The following MCF2L variants were observed in gnomAD, a reference collection of about 807,000 sequenced individuals.
MCF2L encodes the protein MCF.2 cell line derived transforming sequence like.
A neutral mutation model predicts 153.4 loss-of-function variants in MCF2L; 97 were observed. The ratio of observed to expected loss-of-function variants is 0.63; its 90% CI spans 0.54 to 0.75. The LOEUF (loss-of-function observed/expected upper bound fraction) is 0.75. MCF2L is among the 30% of genes least tolerant of loss of function. MCF2L has a pLI of 0.00. For missense variants in MCF2L, 1,347 were observed against 1,495.2 expected (o/e 0.90, Z 1.64); for synonymous variants, 659 against 632.2 (o/e 1.04, Z -0.64).
At chr13:113,093,950 C>A (rs1032246055) in intron 26 of MCF2L, 1 of 152,338 alleles carries the variant, frequency 6.6e-6, no homozygotes, top group Non-Finnish European at 1.5e-5. Flanking sequence ...CCGATGGGAG[C>A]CCATCTCCAC....
intron 1 of MCF2L, chr13:112,985,170 G>A: frequency 3.1e-6 from 1 of 321,760 alleles, no homozygotes; most frequent in Non-Finnish European, 6.2e-6. Context: ...GGACCTGCAT[G>A]TAAACATCAG....
intron 2 of MCF2L, among the ~76,000 whole-genome samples, chr13:112,908,732 G>GTTTGTTT (rs10627226): frequency 2.0e-5 from 3 of 148,592 alleles, no homozygotes; most frequent in Non-Finnish European, 3.0e-5. Flanking sequence ...TTTTGTTTTG[G>GTTTGTTT]TTTTTTTTTG....
chr13:112,929,713 G>C (rs529318663), intron 2 of MCF2L, among the ~76,000 whole-genome samples: 6 of 152,188 alleles, frequency 3.9e-5, no homozygotes, highest in African/African-American at 1.4e-4. Context: ...CTCCGGCCTC[G>C]GGTTCCTCTT....
Position 113,053,075 on chromosome 13 carries a change from A to G in MCF2L, c.370-7518A>G, listed in dbSNP as rs56065139. ...TTTGCTGGTGAGAGCCGGCTCTGCC[A>G]TCGTGTCAGTTCATCCCGGATTGCT... On this transcript the variant is annotated intron_variant, in intron 4 of 29. Transcript: ENST00000535094. This position sits in a 1 kb window ranked among gnomAD's most constrained non-coding sequence, Gnocchi z 4.4. Among the ~76,000 whole-genome samples, 277 of 152,280 alleles carry G rather than the reference A, an allele frequency of 1.8e-3. 1 individual carries two copies. The highest frequency in any genetic ancestry group is 3.4e-3 in the Non-Finnish European group (231 of 68,032).
chr13:113,039,768 G>T (rs1472918139), intron 3 of MCF2L, among the ~76,000 whole-genome samples: 1 of 152,210 alleles, frequency 6.6e-6, no homozygotes, highest in Non-Finnish European at 1.5e-5. Context: ...CACAAGAGTG[G>T]CTAAAATTCT....
At chr13:112,917,134 C>G (rs1429563852) in intron 2 of MCF2L, 1 of 471,288 alleles carries the variant, frequency 2.1e-6, no homozygotes, top group Non-Finnish European at 4.4e-6. Context: ...ATCTCAGTCC[C>G]CTGGCTTGTG....
At chr13:113,071,163 C>T (rs991955572) in intron 9 of MCF2L, among the ~76,000 whole-genome samples, 7 of 152,132 alleles carry the variant, frequency 4.6e-5, no homozygotes, top group African/African-American at 1.7e-4. Flanking sequence ...CACCTTTCCA[C>T]GTGCTTATTT....
Position 113,064,051 on chromosome 13 carries a change from G to A in MCF2L, c.490-253G>A, listed in dbSNP as rs571562258. Among the ~76,000 whole-genome samples, 14 of 152,232 alleles carry A rather than the reference G, an allele frequency of 9.2e-5. No individual in the cohort carries two copies. Among genetic ancestry groups the A allele is most frequent in the African/African-American group, 3.4e-4 (14 of 41,522 alleles). ...CTGCCAAATAGCAGGGAAGGAGGGC[G>A]CACGGAGTTATCTCCATCATAAGGG... On this transcript the variant is annotated intron_variant, in intron 5 of 29. Coordinates refer to ENST00000535094, the MANE Select transcript of MCF2L (RefSeq NM_001112732.3). The surrounding 1 kb of genome is among the most constrained non-coding windows in gnomAD (Gnocchi z 6.0).
At chr13:113,096,011 C>G (rs1385030405) in intron 27 of MCF2L, 1 of 379,872 alleles carries the variant, frequency 2.6e-6, no homozygotes, top group Non-Finnish European at 4.7e-6. Context: ...TCGGGGAGTA[C>G]CAAGGAAGGC....
chr13:112,922,079 A>G (rs2140571057), intron 2 of MCF2L, among the ~76,000 whole-genome samples: 1 of 152,364 alleles, frequency 6.6e-6, no homozygotes, highest in East Asian at 1.9e-4. Context: ...GGAAAAGTCC[A>G]GAGGCCCAGA....
intron 2 of MCF2L, among the ~76,000 whole-genome samples, chr13:112,961,417 C>A (rs562371219): frequency 6.6e-6 from 1 of 152,246 alleles, no homozygotes; most frequent in African/African-American, 2.4e-5. Flanking sequence ...ATGCCTGGTT[C>A]CCCAGGGGTA....
At chr13:113,006,496 T>C (rs1294962897) in intron 1 of MCF2L, among the ~76,000 whole-genome samples, 1 of 152,102 alleles carries the variant, frequency 6.6e-6, no homozygotes, top group African/African-American at 2.4e-5. Flanking sequence ...GCATGCCCTT[T>C]CTCCCTGGAC....
upstream of MCF2L, chr13:112,968,441 G>A: frequency 1.9e-6 from 3 of 1,586,336 alleles, no homozygotes; most frequent in Non-Finnish European, 2.6e-6. Context: ...TGTGTCGAGT[G>A]CACAGTGTGG....
rs181526723 is a variant in MCF2L at position 113,074,417 on chromosome 13, C to G, written c.997-27C>G. 3 of 1,604,204 alleles carry G rather than the reference C, an allele frequency of 1.9e-6. No individual in the cohort carries two copies. Among genetic ancestry groups the G allele is most frequent in the African/African-American group, 2.7e-5 (2 of 74,866 alleles). On this transcript the variant is annotated intron_variant, in intron 9 of 29. Transcript: ENST00000535094. This position sits in a 1 kb window ranked among gnomAD's most constrained non-coding sequence, Gnocchi z 4.2. Reference sequence around the variant, plus strand: ...TCTGTTCAGGTGAGGGAGACACCCCCCTGAGATGGGCCCTCCTCTGTTCCA... The same window carrying G: ...TCTGTTCAGGTGAGGGAGACACCCCGCTGAGATGGGCCCTCCTCTGTTCCA...
At chr13:113,085,632 G>A (rs757148014) in intron 20 of MCF2L, among the ~76,000 whole-genome samples, 1 of 150,820 alleles carries the variant, frequency 6.6e-6, no homozygotes, top group African/African-American at 2.4e-5. Context: ...GAGCAGGTGC[G>A]AGGGGTTTGC....
intron 1 of MCF2L, among the ~76,000 whole-genome samples, chr13:113,005,040 A>G (rs1214972060): frequency 2.0e-5 from 3 of 152,030 alleles, no homozygotes; most frequent in Non-Finnish European, 4.4e-5. Flanking sequence ...TTAAAGAGCC[A>G]CCCGCCCTCC....
chr13:113,005,932 C>T (rs895539131), intron 1 of MCF2L, among the ~76,000 whole-genome samples: 6 of 152,240 alleles, frequency 3.9e-5, no homozygotes, highest in African/African-American at 9.6e-5. Context: ...CCAAGGGCTC[C>T]GTTCACAACA....
chr13:112,897,659 G>C (rs542307970), intron 1 of MCF2L, among the ~76,000 whole-genome samples: 1 of 152,386 alleles, frequency 6.6e-6, no homozygotes, highest in African/African-American at 2.4e-5. Flanking sequence ...AAGTGATGCT[G>C]TGGAGACCGG....
intron 3 of MCF2L, chr13:113,044,760 G>T: frequency 6.2e-7 from 1 of 1,612,912 alleles, no homozygotes; most frequent in Non-Finnish European, 8.5e-7. Context: ...CTCCTCTCCC[G>T]TTTCCAGCAG....
Sources: allele counts gnomAD v4.1 joint callset (sites outside exome capture counted in the v4.1 genomes callset), GRCh38; gene constraint gnomAD v4.1.1; non-coding constraint Gnocchi (gnomAD v3.1); transcripts MANE v1.5; gene names NCBI Gene and HGNC (gene_info 2026-07-23, HGNC 2026-07-21).